PMFBP1: variants seen among roughly 807,000 people sequenced by gnomAD.
PMFBP1 encodes polyamine modulated factor 1 binding protein 1.
A neutral mutation model predicts 137.8 loss-of-function variants in PMFBP1; 131 were observed. The observed-to-expected ratio is 0.95, with a 90% CI of 0.82 to 1.10. The LOEUF is 1.10. Ranked by LOEUF, PMFBP1 falls within the 50% of genes least tolerant of loss-of-function variation. The pLI, the probability that PMFBP1 is intolerant of heterozygous loss-of-function variation, is 0.00. For missense variants in PMFBP1, 1,199 were observed against 1,175.4 expected (o/e 1.02, Z -0.29); for synonymous variants, 490 against 450.4 (o/e 1.09, Z -1.11).
the PMFBP1 span, among the ~76,000 whole-genome samples, chr16:72,242,137 G>A: frequency 6.6e-6 from 1 of 152,126 alleles, no homozygotes; most frequent in African/African-American, 2.4e-5. Flanking sequence ...GCAGCTTTTT[G>A]AAAATTCACC....
At chr16:72,159,713 A>G (rs186333636) in intron 3 of PMFBP1, among the ~76,000 whole-genome samples, 25 of 152,306 alleles carry the variant, frequency 1.6e-4, no homozygotes, top group Non-Finnish European at 3.2e-4. Context: ...AAGACACGCT[A>G]TGGATGAAGC....
intron 10 of PMFBP1, among the ~76,000 whole-genome samples, chr16:72,131,302 A>G (rs2042546388): frequency 6.6e-6 from 1 of 152,108 alleles, no homozygotes; most frequent in Non-Finnish European, 1.5e-5. Context: ...ATGGTGGGCG[A>G]TAGAGTTGAG....
chr16:72,131,595 T>A (rs1318569754), intron 10 of PMFBP1, among the ~76,000 whole-genome samples: 1 of 152,048 alleles, frequency 6.6e-6, no homozygotes, highest in African/African-American at 2.4e-5. Context: ...GGGAGCTCAC[T>A]GAGGAACGAG....
chr16:72,240,257 C>A, the PMFBP1 span, among the ~76,000 whole-genome samples: 1 of 152,226 alleles, frequency 6.6e-6, no homozygotes, highest in Admixed American at 6.5e-5. Flanking sequence ...AGTAACTTAA[C>A]ATGGTTACTA....
chr16:72,243,326 C>A, the PMFBP1 span, among the ~76,000 whole-genome samples: 1 of 152,208 alleles, frequency 6.6e-6, no homozygotes, highest in Non-Finnish European at 1.5e-5. Context: ...CCCTTCTGCA[C>A]GTGGATGCTG....
At position 72,129,336 on chromosome 16, in the gene PMFBP1, A is replaced by C; in HGVS notation, c.1783-103T>G. 6 of 1,323,072 alleles carry C rather than the reference A, an allele frequency of 4.5e-6. No homozygotes were observed. The South Asian group carries it at 5.9e-5, about 13-fold the overall frequency. 82.0% of individuals were successfully genotyped at this position (1,323,072 alleles called of 1,614,324 possible). ...CAGGGCATGGCTGAGATGAAGAAGA[A>C]GACAATTCCTTAGTTATATAGCATA... On this transcript the variant is annotated intron_variant, in intron 12 of 20. Coordinates refer to ENST00000237353, the MANE Select transcript of PMFBP1 (RefSeq NM_031293.3).
chr16:72,164,322 C>T (rs567326708), intron 3 of PMFBP1: 56 of 1,013,526 alleles, frequency 5.5e-5, no homozygotes, highest in East Asian at 1.2e-4. Context: ...GGCAGTGAGA[C>T]GCAGGTGCAG....
In PMFBP1 at chr16:72,136,724, G is replaced by C. The variant is rs763202267; in HGVS notation, c.1014C>G (p.Ala338=). 1.9e-6 allele frequency: 3 copies of C among 1,613,856 alleles called. No individual in the cohort carries two copies. Among genetic ancestry groups the C allele is most frequent in the Non-Finnish European group, 2.5e-6 (3 of 1,179,992 alleles). The change falls in exon 8 of 21, where the codon GCC becomes GCG. Residue 338 remains alanine (A), a synonymous_variant. Transcript: ENST00000237353. Reference sequence around the variant, plus strand: ...TGATGTTTCTCTTCTGTTCCGACACGGCCTCTAGTTCCACGCGCAGATCCT... The same window carrying C: ...TGATGTTTCTCTTCTGTTCCGACACCGCCTCTAGTTCCACGCGCAGATCCT... ...LVKDLRVELE[A]VSEQKRNIMK...
At position 72,122,980 on chromosome 16, in the gene PMFBP1, T is replaced by C. The variant is rs764958223; in HGVS notation, c.2702A>G (p.Asn901Ser). The C allele has an allele frequency of 1.2e-4, 186 of 1,612,788 alleles. 1 individual carries two copies. In the Middle Eastern group the frequency reaches 3.1e-3, roughly 27 times the overall value. Residue 901 changes from asparagine (N) to serine (S), a missense_variant, in exon 19 of 21, where the codon AAT becomes AGT. Asn to Ser is a conservative substitution (Grantham distance 46). Coordinates refer to ENST00000237353, the MANE Select transcript of PMFBP1 (RefSeq NM_031293.3). The stretch of plus-strand genomic sequence containing the variant: ...TCGGAGCTGGTTTCCTAGTTTCTCA[T>C]TGGCGACCCTGTAATAAAATCACAG... ...EQWAKQQKVANEKLGNQLREQ... is the reference protein window; with the variant it reads ...EQWAKQQKVASEKLGNQLREQ...
chr16:72,191,202 T>C, the PMFBP1 span, among the ~76,000 whole-genome samples: 3 of 152,220 alleles, frequency 2.0e-5, no homozygotes, highest in Non-Finnish European at 4.4e-5. Context: ...ACAGATTCTG[T>C]ATTTTATTAA....
chr16:72,157,296 G>T (rs1251199143), intron 3 of PMFBP1, among the ~76,000 whole-genome samples: 1 of 151,906 alleles, frequency 6.6e-6, no homozygotes, highest in Non-Finnish European at 1.5e-5. Flanking sequence ...TGTATTAGAA[G>T]GACAAAATGC....
rs2042385558 is a variant in PMFBP1, at chr16:72,122,135, G to A, written c.2768+779C>T. Reference sequence around the variant, plus strand: ...CATCATTTAGCTCCCACTTACAAGTGAGAACATGTGGTACTTGGTTTTCTA... The same window carrying A: ...CATCATTTAGCTCCCACTTACAAGTAAGAACATGTGGTACTTGGTTTTCTA... On this transcript the variant is annotated intron_variant, in intron 19 of 20. Coordinates refer to ENST00000237353, the MANE Select transcript of PMFBP1 (RefSeq NM_031293.3). Among the ~76,000 whole-genome samples the A allele has an allele frequency of 2.0e-5, 3 of 152,274 alleles. 1 individual carries two copies. Among genetic ancestry groups the A allele is most frequent in the Middle Eastern group, 3.4e-3 (1 of 294 alleles).
chr16:72,136,622 C>T lies in PMFBP1; in HGVS notation c.1046-17G>A, dbSNP rs562511034. 1.1e-4 allele frequency: 174 copies of T among 1,613,982 alleles called. No homozygotes were observed. Among genetic ancestry groups the T allele is most frequent in the Non-Finnish European group, 1.4e-4 (169 of 1,180,018 alleles). Reference sequence around the variant, plus strand: ...TCATCATGTCTACCATGGGGCGGGACAGAGTCTATGCTCAGGGGAGAGTTA... The same window carrying T: ...TCATCATGTCTACCATGGGGCGGGATAGAGTCTATGCTCAGGGGAGAGTTA... On this transcript the variant is annotated splice_polypyrimidine_tract_variant and intron_variant, in intron 8 of 20. Coordinates refer to ENST00000237353, the MANE Select transcript of PMFBP1 (RefSeq NM_031293.3).
At chr16:72,148,576 G>A (rs913769745) in intron 5 of PMFBP1, among the ~76,000 whole-genome samples, 2 of 151,844 alleles carry the variant, frequency 1.3e-5, no homozygotes, top group Non-Finnish European at 2.9e-5. Flanking sequence ...CACTAATAAA[G>A]TAAAATGAAA....
At chr16:72,196,203 C>T in the PMFBP1 span, among the ~76,000 whole-genome samples, 1 of 152,158 alleles carries the variant, frequency 6.6e-6, no homozygotes, top group Admixed American at 6.5e-5. Context: ...CCTCCTCCTG[C>T]TCCCAGATAC....
the PMFBP1 span, among the ~76,000 whole-genome samples, chr16:72,218,464 C>A: frequency 0.55 from 83,113 of 151,788 alleles, 23,775 homozygotes; most frequent in African/African-American, 0.69. Flanking sequence ...AGTAGCTGGG[C>A]TTACAGCTGC....
intron 12 of PMFBP1, among the ~76,000 whole-genome samples, chr16:72,129,635 TA>T (rs994844046): frequency 5.5e-4 from 84 of 152,188 alleles, no homozygotes; most frequent in African/African-American, 1.9e-3. Flanking sequence ...GGGCACTATT[TA>T]AAAAATAAAT....
the PMFBP1 span, among the ~76,000 whole-genome samples, chr16:72,190,667 AG>A: frequency 6.6e-6 from 1 of 152,076 alleles, no homozygotes; most frequent in Non-Finnish European, 1.5e-5. Flanking sequence ...AGAGAGTTGC[AG>A]GGGTGAGAGA....
chr16:72,153,927 C>T (rs1013672032), intron 4 of PMFBP1, among the ~76,000 whole-genome samples: 19 of 66,456 alleles, frequency 2.9e-4, no homozygotes, highest in African/African-American at 1.8e-3. Flanking sequence ...CTTATACACA[C>T]ACACACACAC....
Sources: gnomAD v4.1 joint callset for allele counts (sites outside exome capture counted in the v4.1 genomes callset) on GRCh38, gnomAD v4.1.1 for gene constraint, MANE v1.5 for transcripts, NCBI Gene and HGNC (gene_info 2026-07-23, HGNC 2026-07-21) for gene names.